Variants in SLC12A6 observed in about 807,000 individuals in gnomAD.
SLC12A6 encodes solute carrier family 12 member 6, also known as K-Cl cotransporter 3.
SLC12A6 carries 66 observed loss-of-function variants against 135.3 expected under a neutral mutation model. The ratio of observed to expected loss-of-function variants is 0.49; its 90% CI spans 0.40 to 0.60. SLC12A6 has a LOEUF of 0.60. Ranked by LOEUF, SLC12A6 falls within the 20% of genes least tolerant of loss-of-function variation. The probability of loss-of-function intolerance (pLI) is 0.00; values close to 1 mark genes in which losing one functional copy is unlikely to be tolerated. For synonymous variants in SLC12A6, 513 were observed against 508.8 expected (o/e 1.01, Z -0.11); for missense variants, 1,058 against 1,452.3 (o/e 0.73, Z 4.41).
intron 13 of SLC12A6, 142 bp downstream of exon 13, chr15:34,250,156 T>C (rs1297142442): frequency 1.4e-6 from 1 of 726,676 alleles, no homozygotes; most frequent in Non-Finnish European, 2.6e-6. Context: ...CCACCTGCCT[T>C]GGCCTCCCAA....
At position 34,235,560 on chromosome 15, in the gene SLC12A6, G is replaced by A. The variant is rs550415547; in HGVS notation, c.3228-246C>T. ...AGTGATTCTCCTGCCTCAGCCTCCCGAGTAGCTGGGATTACAGGCCCCCAC... is the reference window on the plus strand; with the variant it reads ...AGTGATTCTCCTGCCTCAGCCTCCCAAGTAGCTGGGATTACAGGCCCCCAC... On this transcript the variant is annotated intron_variant, in intron 24 of 25. Transcript: ENST00000354181. 2.7e-5 allele frequency among the ~76,000 whole-genome samples: 4 copies of A among 149,470 alleles called. No individual in the cohort carries two copies. The South Asian group carries it at 6.4e-4, about 24-fold the overall frequency.
chr15:34,318,137 C>G (rs943008898), intron 2 of SLC12A6, among the ~76,000 whole-genome samples: 2 of 152,208 alleles, frequency 1.3e-5, no homozygotes, highest in Admixed American at 6.5e-5. Flanking sequence ...TACAAAACTA[C>G]TGAACCATGC....
intron 2 of SLC12A6, among the ~76,000 whole-genome samples, chr15:34,324,255 A>G (rs1458989172): frequency 6.6e-6 from 1 of 152,236 alleles, no homozygotes; most frequent in Non-Finnish European, 1.5e-5. Flanking sequence ...AACGATAAAC[A>G]GGAATCATAC....
Position 34,230,121 on chromosome 15 carries a change from A to G in SLC12A6, c.*3760T>C. On this transcript the variant is annotated 3_prime_UTR_variant, in exon 26 of 26. Coordinates refer to ENST00000354181, the MANE Select transcript of SLC12A6 (RefSeq NM_001365088.1). Reference sequence around the variant, plus strand: ...AAGAACTGTTGCAGCATCTCCTTTCAATAAATTAAATGGTTGAGAACAATG... The same window carrying G: ...AAGAACTGTTGCAGCATCTCCTTTCGATAAATTAAATGGTTGAGAACAATG... The G allele has an allele frequency of 3.3e-6, 1 of 302,634 alleles. No individual in the cohort carries two copies. The highest frequency in any genetic ancestry group is 6.0e-6 in the Non-Finnish European group (1 of 165,684). 18.7% of individuals were successfully genotyped at this position (302,634 alleles called of 1,614,324 possible). A position where few individuals can be genotyped will look rare whatever the true frequency, so the allele number is the denominator to read the frequency against.
At chr15:34,321,467 A>C (rs1397757466) in intron 2 of SLC12A6, among the ~76,000 whole-genome samples, 4 of 152,246 alleles carry the variant, frequency 2.6e-5, no homozygotes, top group African/African-American at 4.8e-5. Flanking sequence ...CAAGATGGCT[A>C]AAATTCCTAA....
intron 9 of SLC12A6, 107 bp downstream of exon 9, chr15:34,254,241 A>G (rs1892589513): frequency 3.3e-6 from 4 of 1,205,918 alleles, no homozygotes; most frequent in Non-Finnish European, 3.6e-6. Flanking sequence ...TCTGAGAGGG[A>G]AAATCTCAGA....
At chr15:34,294,603 T>C (rs1895757930) in intron 2 of SLC12A6, among the ~76,000 whole-genome samples, 1 of 151,940 alleles carries the variant, frequency 6.6e-6, no homozygotes, top group Admixed American at 6.6e-5. Flanking sequence ...GGTCTTGTTC[T>C]GTTGCTCATG....
chr15:34,249,912 G>C (rs1474374961), intron 13 of SLC12A6, among the ~76,000 whole-genome samples: 1 of 152,098 alleles, frequency 6.6e-6, no homozygotes, highest in Non-Finnish European at 1.5e-5. Context: ...CTCAGGTTGG[G>C]TTATTTTTTT....
At chr15:34,312,714 T>C (rs1324697970) in intron 2 of SLC12A6, among the ~76,000 whole-genome samples, 1 of 152,232 alleles carries the variant, frequency 6.6e-6, no homozygotes, top group Non-Finnish European at 1.5e-5. Flanking sequence ...ACAGATACTT[T>C]GGGGTTTTTT....
intron 2 of SLC12A6, among the ~76,000 whole-genome samples, chr15:34,280,927 G>A (rs1008854106): frequency 2.6e-5 from 4 of 151,886 alleles, no homozygotes; most frequent in African/African-American, 9.7e-5. Context: ...AATAAGCCAG[G>A]AACAGAAAGC....
At chr15:34,291,155 G>C (rs577601347) in intron 2 of SLC12A6, among the ~76,000 whole-genome samples, 7 of 151,970 alleles carry the variant, frequency 4.6e-5, no homozygotes, top group Non-Finnish European at 1.0e-4. Flanking sequence ...CTTCCTTCAG[G>C]AGCTCTTCTA....
In SLC12A6 at chr15:34,237,448, T is replaced by C; in HGVS notation, c.2905A>G (p.Ile969Val). The C allele has an allele frequency of 6.2e-7, 1 of 1,613,318 alleles. No individual in the cohort carries two copies. Among genetic ancestry groups the C allele is most frequent in the Non-Finnish European group, 8.5e-7 (1 of 1,179,460 alleles). ...TCCACCACTTCTACCTCCGCCTCAA[T>C]GCGTAAGTGATATAGGAAGGTGGCT... The part of the protein sequence containing the change: ...DLATFLYHLR[I>V]EAEVEVVEMH... Residue 969 changes from isoleucine to valine, a missense_variant, in exon 22 of 26, where the codon ATT becomes GTT. Ile to Val is a conservative substitution (Grantham distance 29, BLOSUM62 3). This residue lies in a region of SLC12A6 where 245 missense variants were observed against 440.8 expected (regional missense o/e 0.56). Coordinates refer to ENST00000354181, the MANE Select transcript of SLC12A6 (RefSeq NM_001365088.1).
intron 2 of SLC12A6, among the ~76,000 whole-genome samples, chr15:34,323,411 G>T (rs1460715714): frequency 2.0e-5 from 3 of 152,184 alleles, no homozygotes; most frequent in Non-Finnish European, 1.5e-5. Flanking sequence ...AAGCATTACC[G>T]CCTGAGAGCC....
At position 34,236,270 on chromosome 15, in the gene SLC12A6, A is replaced by G. The variant is rs1022449582; in HGVS notation, c.3043-71T>C. 5.3e-6 allele frequency: 6 copies of G among 1,130,608 alleles called. No individual in the cohort carries two copies. In the Admixed American group the frequency reaches 9.1e-5, roughly 17 times the overall value. The allele number at this position is 1,130,608 out of a possible 1,614,324, so 70.0% of individuals were successfully genotyped here. A position where few individuals can be genotyped will look rare whatever the true frequency, so the allele number is the denominator to read the frequency against. On this transcript the variant is annotated intron_variant, in intron 23 of 25. Coordinates refer to ENST00000354181, the MANE Select transcript of SLC12A6 (RefSeq NM_001365088.1). The stretch of plus-strand genomic sequence containing the variant: ...TATGCTTCATCTTTGGTTATTTTGA[A>G]GCAGTAATGGGTTATAGTGGAATAA...
At chr15:34,283,001 T>A (rs932105141) in intron 2 of SLC12A6, among the ~76,000 whole-genome samples, 3 of 152,140 alleles carry the variant, frequency 2.0e-5, no homozygotes, top group African/African-American at 2.4e-5. Flanking sequence ...AGAAGGTAAA[T>A]AAGAAAAAGT....
intron 2 of SLC12A6, among the ~76,000 whole-genome samples, chr15:34,315,198 T>C (rs139550061): frequency 6.6e-6 from 1 of 152,182 alleles, no homozygotes; most frequent in Non-Finnish European, 1.5e-5. Context: ...CTGTGGGTAA[T>C]ATGCTATCAA....
chr15:34,331,536 G>A (rs1013078487), intron 2 of SLC12A6, among the ~76,000 whole-genome samples: 13 of 152,178 alleles, frequency 8.5e-5, no homozygotes, highest in African/African-American at 2.4e-4. Flanking sequence ...CTTTATCAGA[G>A]TACGTTTTTA....
At chr15:34,250,214 C>A in intron 13 of SLC12A6, 84 bp downstream of exon 13, 1 of 867,510 alleles carries the variant, frequency 1.2e-6, no homozygotes, top group South Asian at 1.3e-5. Flanking sequence ...TGTGTTGAGT[C>A]TGTAACTGTC....
chr15:34,335,592 T>G (rs1890145147), intron 2 of SLC12A6, among the ~76,000 whole-genome samples: 1 of 152,162 alleles, frequency 6.6e-6, no homozygotes, highest in Non-Finnish European at 1.5e-5. Context: ...GTCCAAAAAA[T>G]GTTATGATCT....
Sources: gnomAD v4.1 joint callset for allele counts (sites outside exome capture counted in the v4.1 genomes callset) on GRCh38, gnomAD v4.1.1 for gene constraint, gnomAD v4.1.1 regional missense constraint, MANE v1.5 for transcripts, NCBI Gene and HGNC (gene_info 2026-07-23, HGNC 2026-07-21) for gene names.